Variants in LRP6 observed in about 807,000 individuals in gnomAD.
LRP6 encodes low-density lipoprotein receptor-related protein 6.
A neutral mutation model predicts 184.1 loss-of-function variants in LRP6; 43 were observed. The observed-to-expected ratio is 0.23, with a 90% CI of 0.18 to 0.30. The LOEUF is 0.30. Among genes scored for constraint, LRP6 ranks in the 10% least tolerant of loss-of-function variants. The pLI, the probability that LRP6 is intolerant of heterozygous loss-of-function variation, is 1.00. For missense variants in LRP6, 1,571 were observed against 2,005.3 expected, an observed-to-expected ratio of 0.78 and a Z score of 4.14; for synonymous variants, 719 against 684.9, an observed-to-expected ratio of 1.05 and a Z score of -0.78.
chr12:12,172,355 C>A (rs1565597961), intron 7 of LRP6, among the ~76,000 whole-genome samples: 1 of 152,202 alleles, frequency 6.6e-6, no homozygotes, highest in East Asian at 1.9e-4. Context: ...AAATCTTCTA[C>A]AGACATCACA....
In LRP6 at chr12:12,131,847, T is replaced by A; in HGVS notation, c.3944A>T (p.Asp1315Val). The A allele has an allele frequency of 6.2e-7, 1 of 1,614,182 alleles. No individual in the cohort carries two copies. Among genetic ancestry groups the A allele is most frequent in the Non-Finnish European group, 8.5e-7 (1 of 1,180,016 alleles). The change falls in exon 18 of 23, where the codon GAC becomes GTC. Residue 1315 changes from aspartate (D) to valine (V), a missense_variant. Around this residue, in one of 4 missense-constraint regions of LRP6, gnomAD observed 763 missense variants for 859.5 expected, o/e 0.89. Transcript: ENST00000261349. ...TTCACAGTTCTTCTCATCTGATTTG[T>A]CCTGGCAGTTTGCATCTCCATTGCA... ...LRCNGDANCQ[D>V]KSDEKNCEVL...
chr12:12,201,858 A>G (rs778220514), intron 3 of LRP6, among the ~76,000 whole-genome samples: 1 of 152,172 alleles, frequency 6.6e-6, no homozygotes, highest in Non-Finnish European at 1.5e-5. Context: ...CTTTTTTGAA[A>G]GAAGGCAAAA....
intron 12 of LRP6, among the ~76,000 whole-genome samples, chr12:12,152,390 G>T (rs902002347): frequency 6.6e-6 from 1 of 152,088 alleles, no homozygotes; most frequent in African/African-American, 2.4e-5. Flanking sequence ...AGGTTCAAGC[G>T]ATTCTCCTGC....
chr12:12,192,938 C>T (rs1422298473), intron 3 of LRP6, among the ~76,000 whole-genome samples: 1 of 152,124 alleles, frequency 6.6e-6, no homozygotes, highest in East Asian at 1.9e-4. Flanking sequence ...AATCTTTTCA[C>T]GTACACGTGG....
intron 2 of LRP6, among the ~76,000 whole-genome samples, chr12:12,235,654 C>T (rs1345501092): frequency 6.6e-6 from 1 of 151,432 alleles, no homozygotes; most frequent in Non-Finnish European, 1.5e-5. Flanking sequence ...CACTTGAACC[C>T]GGGAGGTGGA....
intron 7 of LRP6, among the ~76,000 whole-genome samples, chr12:12,168,037 CTAAAACAGTAAACAA>C (rs1175871187): frequency 6.6e-6 from 1 of 152,096 alleles, no homozygotes; most frequent in Admixed American, 6.6e-5. Flanking sequence ...TATAAAGTAA[CTAAAACAGTAAACAA>C]AAAAGAACAA....
intron 9 of LRP6, 49 bp downstream of exon 9, chr12:12,164,224 A>G: frequency 6.5e-7 from 1 of 1,544,852 alleles, no homozygotes; most frequent in Non-Finnish European, 8.9e-7. Flanking sequence ...AAATTCTAGA[A>G]GTTCTCCCTT....
intron 3 of LRP6, among the ~76,000 whole-genome samples, chr12:12,197,140 T>G (rs192472360): frequency 6.6e-6 from 1 of 152,342 alleles, no homozygotes; most frequent in East Asian, 1.9e-4. Flanking sequence ...AATACCATTA[T>G]GAACTCAAGA....
At chr12:12,154,710 G>A (rs7301012) in intron 12 of LRP6, among the ~76,000 whole-genome samples, 22,038 of 152,054 alleles carry the variant, frequency 0.14, 1,760 homozygotes, top group Middle Eastern at 0.24. Context: ...TAAAAAGAGG[G>A]AAAAAAGCCA....
chr12:12,198,909 TA>T (rs1201635985), intron 3 of LRP6, among the ~76,000 whole-genome samples: 1 of 152,132 alleles, frequency 6.6e-6, no homozygotes, highest in East Asian at 1.9e-4. Flanking sequence ...ATTTAAAATT[TA>T]AAGAAAAAAT....
intron 2 of LRP6, among the ~76,000 whole-genome samples, chr12:12,230,744 T>C (rs1303821499): frequency 6.6e-6 from 1 of 152,224 alleles, no homozygotes; most frequent in Non-Finnish European, 1.5e-5. Context: ...ATACTTCTTT[T>C]ACAAAACATC....
intron 8 of LRP6, 120 bp downstream of exon 8, chr12:12,164,959 G>A (rs980865089): frequency 3.0e-5 from 12 of 404,560 alleles, no homozygotes; most frequent in Middle Eastern, 6.2e-4. Context: ...AAAAAAAGGC[G>A]GGGGGGCAGT....
chr12:12,141,630 A>G (rs1310299840), intron 15 of LRP6, among the ~76,000 whole-genome samples: 1 of 152,324 alleles, frequency 6.6e-6, no homozygotes, highest in East Asian at 1.9e-4. Context: ...AAATGAAGTT[A>G]GCCTAGAAAC....
chr12:12,249,721 A>T (rs1468307038), intron 1 of LRP6, among the ~76,000 whole-genome samples: 1 of 120,902 alleles, frequency 8.3e-6, no homozygotes, highest in Non-Finnish European at 1.9e-5. Flanking sequence ...GGAAGGAAGG[A>T]AGGAAGGAAG....
chr12:12,192,028 AAAT>A (rs2137016211), intron 3 of LRP6, among the ~76,000 whole-genome samples: 1 of 152,216 alleles, frequency 6.6e-6, no homozygotes, highest in South Asian at 2.1e-4. Context: ...AAGACTCTAT[AAAT>A]AATGTTTTCT....
At chr12:12,202,521 T>A (rs964763757) in intron 3 of LRP6, among the ~76,000 whole-genome samples, 2 of 152,198 alleles carry the variant, frequency 1.3e-5, no homozygotes, top group South Asian at 2.1e-4. Flanking sequence ...CCAGCCCGGA[T>A]GACAAGGTGA....
chr12:12,134,063 C>T (rs1393352738), intron 17 of LRP6, among the ~76,000 whole-genome samples: 2 of 152,152 alleles, frequency 1.3e-5, no homozygotes, highest in African/African-American at 2.4e-5. Flanking sequence ...GGTCCAAGCA[C>T]AGTGCCCATA....
intron 2 of LRP6, among the ~76,000 whole-genome samples, chr12:12,231,488 T>C (rs770556434): frequency 9.9e-5 from 15 of 152,110 alleles, no homozygotes; most frequent in Non-Finnish European, 1.9e-4. Flanking sequence ...TGCCCCTACA[T>C]AGGTTTAGAG....
At chr12:12,203,130 A>G in intron 3 of LRP6, 73 bp downstream of exon 3, 1 of 1,053,618 alleles carries the variant, frequency 9.5e-7, no homozygotes, top group East Asian at 2.4e-5. Context: ...TTTCTTAATA[A>G]AATTAGGCTT....
Sources: gnomAD v4.1 joint callset for allele counts (sites outside exome capture counted in the v4.1 genomes callset) on GRCh38, gnomAD v4.1.1 for gene constraint, gnomAD v4.1.1 regional missense constraint, MANE v1.5 for transcripts, NCBI Gene and HGNC (gene_info 2026-07-23, HGNC 2026-07-21) for gene names.